MYBPC2: variants seen among roughly 807,000 people sequenced by gnomAD.
MYBPC2 encodes myosin-binding protein C, fast-type.
MYBPC2 carries 122 observed loss-of-function variants against 137.0 expected under a neutral mutation model. The ratio of observed to expected loss-of-function variants is 0.89; its 90% CI spans 0.77 to 1.03. The LOEUF is 1.03. Among genes scored for constraint, MYBPC2 ranks in the 50% least tolerant of loss-of-function variants. MYBPC2 has a pLI of 0.00. For missense variants in MYBPC2, 1,500 were observed against 1,534.4 expected, an observed-to-expected ratio of 0.98 and a Z score of 0.37; for synonymous variants, 626 against 612.3, an observed-to-expected ratio of 1.02 and a Z score of -0.33.
chr19:50,456,713 G>A (rs1309702080), intron 20 of MYBPC2, among the ~76,000 whole-genome samples: 1 of 152,088 alleles, frequency 6.6e-6, no homozygotes, highest in East Asian at 1.9e-4. Context: ...TGGGATTACA[G>A]GCATGAGCCA....
At chr19:50,451,063 C>A in intron 14 of MYBPC2, 128 bp downstream of exon 14, 1 of 1,025,864 alleles carries the variant, frequency 9.7e-7, no homozygotes, top group Non-Finnish European at 1.4e-6. Context: ...AGCGTCTGTC[C>A]CGCTCATGGC....
chr19:50,452,496 G>GTATCTATCTATC lies in MYBPC2; in HGVS notation c.1749+496_1749+497insCTATCTATCTAT, dbSNP rs1448448589. 4.8e-3 allele frequency among the ~76,000 whole-genome samples: 251 copies of GTATCTATCTATC among 51,936 alleles called. 2 individuals carry two copies. Among genetic ancestry groups the GTATCTATCTATC allele is most frequent in the Middle Eastern group, 0.013 (1 of 76 alleles). The allele number at this position is 51,936 out of a possible 152,430, so 34.1% of individuals were successfully genotyped here. On this transcript the variant is annotated intron_variant, in intron 16 of 27. Transcript: ENST00000357701. ...TGTATGTATGTATGTATGTATGTAT[G>GTATCTATCTATC]TATGTATGTATGTATCTATCTATCT...
At chr19:50,462,855 CT>C (rs60351519) in intron 26 of MYBPC2, among the ~76,000 whole-genome samples, 1,389 of 107,070 alleles carry the variant, frequency 0.013, 25 homozygotes, top group African/African-American at 0.038. Context: ...GGCCTCTTGC[CT>C]TTTTCTTTGT....
chr19:50,464,835 C>T (rs2040000835), intron 27 of MYBPC2, among the ~76,000 whole-genome samples: 1 of 152,066 alleles, frequency 6.6e-6, no homozygotes, highest in Non-Finnish European at 1.5e-5. Flanking sequence ...TGTACCTGGG[C>T]CCCCGTAGGC....
intron 9 of MYBPC2, among the ~76,000 whole-genome samples, chr19:50,442,673 G>A (rs1367768589): frequency 4.0e-5 from 6 of 151,822 alleles, no homozygotes; most frequent in Non-Finnish European, 8.8e-5. Flanking sequence ...TTGCGGTTGC[G>A]GTGAGCTGAG....
At position 50,436,632 on chromosome 19, in the gene MYBPC2, C is replaced by A. The variant is rs747362625; in HGVS notation, c.361C>A (p.Leu121Met). ...CTGGACCCAGGTGTACACCGTGGAGCTGCACATTGGGAAGGTGGTACTGGG... is the reference window on the plus strand; with the variant it reads ...CTGGACCCAGGTGTACACCGTGGAGATGCACATTGGGAAGGTGGTACTGGG... ...NSASNVYTVE[L>M]HIGKVVLGDR... The change falls in exon 5 of 28, where the codon CTG becomes ATG. Residue 121 changes from leucine to methionine, a missense_variant. Leu to Met is a conservative substitution (Grantham distance 15, BLOSUM62 2). Transcript: ENST00000357701. 2.5e-6 allele frequency: 4 copies of A among 1,613,916 alleles called. No individual in the cohort carries two copies. Among genetic ancestry groups the A allele is most frequent in the Admixed American group, 1.7e-5 (1 of 60,030 alleles).
At chr19:50,434,722 T>C (rs2039685972) in intron 1 of MYBPC2, among the ~76,000 whole-genome samples, 1 of 152,144 alleles carries the variant, frequency 6.6e-6, no homozygotes, top group African/African-American at 2.4e-5. Context: ...AAGCAGGCTG[T>C]GGGGTGGGTC....
At chr19:50,455,366 C>A in intron 19 of MYBPC2, 70 bp downstream of exon 19, 2 of 1,568,748 alleles carry the variant, frequency 1.3e-6, no homozygotes, top group Non-Finnish European at 1.7e-6. Flanking sequence ...CCCCGTCCAC[C>A]TCTGGCCCAT....
chr19:50,440,364 G>GA (rs1448425228), intron 7 of MYBPC2, among the ~76,000 whole-genome samples: 1 of 79,776 alleles, frequency 1.3e-5, no homozygotes, highest in Non-Finnish European at 2.6e-5. Flanking sequence ...ATAAATAAAT[G>GA]AAAAGAAATA....
At chr19:50,459,362 T>G (rs1409976463) in intron 23 of MYBPC2, 56 bp downstream of exon 23, 37 of 1,091,522 alleles carry the variant, frequency 3.4e-5, no homozygotes, top group African/African-American at 1.1e-4. Context: ...TGGGCAGCGA[T>G]GGGGGAGGAG....
At chr19:50,434,041 G>A (rs903017045) in intron 1 of MYBPC2, among the ~76,000 whole-genome samples, 13 of 151,898 alleles carry the variant, frequency 8.6e-5, no homozygotes, top group Non-Finnish European at 1.5e-4. Flanking sequence ...GTGAGACCCC[G>A]TCTCTAAAAA....
chr19:50,437,225 A>C (rs2039711981), intron 5 of MYBPC2, among the ~76,000 whole-genome samples: 1 of 151,888 alleles, frequency 6.6e-6, no homozygotes. Flanking sequence ...AGGCCTGGGG[A>C]GAAAGACATG....
intron 24 of MYBPC2, among the ~76,000 whole-genome samples, chr19:50,460,860 C>T (rs1238235135): frequency 1.3e-5 from 2 of 151,848 alleles, no homozygotes; most frequent in Non-Finnish European, 2.9e-5. Flanking sequence ...CCACCACATC[C>T]CGCTAATTTT....
chr19:50,440,572 A>G (rs1407201166), intron 7 of MYBPC2, among the ~76,000 whole-genome samples: 5 of 151,656 alleles, frequency 3.3e-5, no homozygotes, highest in Non-Finnish European at 5.9e-5. Context: ...CTGAGGCAGA[A>G]GAATCGCCTG....
chr19:50,466,135 T>C lies in MYBPC2; in HGVS notation c.3416-60T>C. On this transcript the variant is annotated intron_variant, in intron 27 of 27. Coordinates refer to ENST00000357701, the MANE Select transcript of MYBPC2 (RefSeq NM_004533.4). This position sits in a 1 kb window ranked among gnomAD's most constrained non-coding sequence, Gnocchi z 4.9. ...GTCATGTGGATGCAGCTCCTCCTCC[T>C]GGGGCTTCAGGAGGAGGCGTGCCCG... The C allele has an allele frequency of 6.2e-7, 1 of 1,611,068 alleles. No individual in the cohort carries two copies. Among genetic ancestry groups the C allele is most frequent in the Non-Finnish European group, 8.5e-7 (1 of 1,179,202 alleles).
Position 50,458,750 on chromosome 19 carries a change from T to A in MYBPC2, c.2502T>A (p.Ile834=), listed in dbSNP as rs1335772419. The part of the protein sequence containing the change: ...TLAQPVTIRE[I]AEPPKIRLPR... ...CCCAGCCGGTCACCATCAGGGAGATTGCGGGTGCGTGGCCCCTGACCCTGC... is the reference window on the plus strand; with the variant it reads ...CCCAGCCGGTCACCATCAGGGAGATAGCGGGTGCGTGGCCCCTGACCCTGC... The change falls in exon 21 of 28, where the codon ATT becomes ATA. Residue 834 remains isoleucine (I), a synonymous_variant. Coordinates refer to ENST00000357701, the MANE Select transcript of MYBPC2 (RefSeq NM_004533.4). 2 of 1,607,180 alleles carry A rather than the reference T, an allele frequency of 1.2e-6. No homozygotes were observed. The highest frequency in any genetic ancestry group is 1.3e-5 in the African/African-American group (1 of 75,042).
At chr19:50,436,243 G>C in intron 4 of MYBPC2, 83 bp downstream of exon 4, 1 of 1,500,346 alleles carries the variant, frequency 6.7e-7, no homozygotes, top group South Asian at 1.3e-5. Context: ...TGTTGCCTGA[G>C]GCATCAATGT....
At chr19:50,441,190 G>C (rs1180663780) in intron 8 of MYBPC2, 114 bp downstream of exon 8, 1 of 1,181,580 alleles carries the variant, frequency 8.5e-7, no homozygotes, top group African/African-American at 1.6e-5. Context: ...GAGGTAGGAG[G>C]CAAGACCCAA....
Position 50,441,092 on chromosome 19 carries a change from G to A in MYBPC2, c.769+16G>A, listed in dbSNP as rs779289142. The stretch of plus-strand genomic sequence containing the variant: ...AAGAGTGCAGGTCAGCCCTGGTCTG[G>A]GGGGAGCTGGGCCCTGCACACAAGG... On this transcript the variant is annotated intron_variant, in intron 8 of 27. Coordinates refer to ENST00000357701, the MANE Select transcript of MYBPC2 (RefSeq NM_004533.4). 11 of 1,567,640 alleles carry A rather than the reference G, an allele frequency of 7.0e-6. No homozygotes were observed. Among genetic ancestry groups the A allele is most frequent in the Middle Eastern group, 1.7e-4 (1 of 6,016 alleles).
Sources: allele counts gnomAD v4.1 joint callset (sites outside exome capture counted in the v4.1 genomes callset), GRCh38; gene constraint gnomAD v4.1.1; non-coding constraint Gnocchi (gnomAD v3.1); transcripts MANE v1.5; gene names NCBI Gene and HGNC (gene_info 2026-07-23, HGNC 2026-07-21).